CCDC18: variants seen among roughly 807,000 people sequenced by gnomAD.
CCDC18 encodes coiled-coil domain containing 18.
Under a neutral mutation model 196.0 loss-of-function variants are expected in CCDC18, and 157 were observed. The ratio of observed to expected loss-of-function variants is 0.80; its 90% CI spans 0.70 to 0.91. The LOEUF (loss-of-function observed/expected upper bound fraction) is 0.91, where lower values mean the gene tolerates loss of function less well. Ranked by LOEUF, CCDC18 falls within the 40% of genes least tolerant of loss-of-function variation. The pLI is 0.00. For missense variants in CCDC18, 1,465 were observed against 1,611.6 expected, an observed-to-expected ratio of 0.91 and a Z score of 1.56; for synonymous variants, 482 against 529.2, an observed-to-expected ratio of 0.91 and a Z score of 1.22.
In CCDC18 at chr1:93,232,539, A is replaced by G. The variant is rs1291705359; in HGVS notation, c.2406A>G (p.Gln802=). ...TLQQQQQMLQ[Q]ETIRNGELED... is the part of the protein sequence containing the mutation. The stretch of plus-strand genomic sequence containing the variant: ...AGCAACAGCAGCAAATGTTACAACA[A>G]GAGACAATTAGAAATGGAGAGCTAG... The change falls in exon 18 of 29, where the codon CAA becomes CAG. Residue 802 remains glutamine (Q), a synonymous_variant. Transcript: ENST00000690025. 3.1e-6 allele frequency: 5 copies of G among 1,613,112 alleles called. No homozygotes were observed. The East Asian group carries it at 1.1e-4, about 36-fold the overall frequency.
At chr1:93,226,785 C>T (rs1158414100) in intron 17 of CCDC18, among the ~76,000 whole-genome samples, 3 of 152,036 alleles carry the variant, frequency 2.0e-5, no homozygotes, top group African/African-American at 4.8e-5. Flanking sequence ...CCACCCACCT[C>T]GGCCTCCCAA....
rs781027000 is a variant in CCDC18 at position 93,210,796 on chromosome 1, T to C, written c.1210-6T>C. 2 of 1,581,342 alleles carry C rather than the reference T, an allele frequency of 1.3e-6. No homozygotes were observed. The highest frequency in any genetic ancestry group is 1.7e-6 in the Non-Finnish European group (2 of 1,152,322). ...AGTTTACATATGTTTGTTTTTAAAC[T>C]TGCAGTTAAAAAGAGAATTATTTGG... On this transcript the variant is annotated splice_region_variant and splice_polypyrimidine_tract_variant and intron_variant, in intron 9 of 28. Coordinates refer to ENST00000690025, the MANE Select transcript of CCDC18 (RefSeq NM_001378204.1).
rs532829140 is a variant in CCDC18, at chr1:93,229,591, G to T, written c.2293-2835G>T. Among the ~76,000 whole-genome samples the T allele has an allele frequency of 2.6e-5, 4 of 152,274 alleles. No homozygotes were observed. The East Asian group carries it at 5.8e-4, about 22-fold the overall frequency. ...CACTGAATAATTAAGTGGCCCTAGGGCATATAGGTAGAAATTTAGCCAGTT... is the reference window on the plus strand; with the variant it reads ...CACTGAATAATTAAGTGGCCCTAGGTCATATAGGTAGAAATTTAGCCAGTT... On this transcript the variant is annotated intron_variant, in intron 17 of 28. Transcript: ENST00000690025.
chr1:93,234,269 C>G (rs1470853961), intron 18 of CCDC18, among the ~76,000 whole-genome samples: 4 of 151,978 alleles, frequency 2.6e-5, no homozygotes, highest in Non-Finnish European at 5.9e-5. Context: ...TCAAGTGATT[C>G]TCCTGCCTCA....
At chr1:93,180,086 G>T (rs1382939447), upstream of CCDC18, 17 of 1,613,590 alleles carry the variant, frequency 1.1e-5, no homozygotes, top group Non-Finnish European at 1.3e-5. Context: ...GCCTTCAGGG[G>T]CATGGGCTGG....
chr1:93,263,180 G>T (rs756374678), intron 26 of CCDC18, among the ~76,000 whole-genome samples: 4 of 152,124 alleles, frequency 2.6e-5, no homozygotes, highest in Non-Finnish European at 5.9e-5. Flanking sequence ...CTTCCTTGAA[G>T]ATCTCTGAAA....
intron 21 of CCDC18, among the ~76,000 whole-genome samples, 191 bp from the exon 22 acceptor site, chr1:93,245,914 A>T (rs948335905): frequency 6.6e-6 from 1 of 152,118 alleles, no homozygotes; most frequent in Admixed American, 6.5e-5. Context: ...AATACCCTTT[A>T]TTAAATTAAT....
At chr1:93,257,093 A>G (rs1305408996) in intron 25 of CCDC18, among the ~76,000 whole-genome samples, 1 of 151,894 alleles carries the variant, frequency 6.6e-6, no homozygotes, top group Non-Finnish European at 1.5e-5. Context: ...TTAGCCAGGC[A>G]TGATGGTGGG....
chr1:93,238,407 G>A (rs1434853713), intron 19 of CCDC18, among the ~76,000 whole-genome samples: 2 of 152,058 alleles, frequency 1.3e-5, no homozygotes, highest in African/African-American at 4.8e-5. Flanking sequence ...TTTGCATACT[G>A]TTTCAGGGGT....
At chr1:93,212,021 T>G in intron 10 of CCDC18, 80 bp from the exon 11 acceptor site, 1 of 1,236,570 alleles carries the variant, frequency 8.1e-7, no homozygotes. Context: ...TAAATCAACT[T>G]GAAAGGTGAA....
chr1:93,184,830 CT>C (rs1180902336), intron 3 of CCDC18, among the ~76,000 whole-genome samples: 7 of 151,994 alleles, frequency 4.6e-5, no homozygotes, highest in Admixed American at 3.9e-4. Flanking sequence ...TGTAACGAAT[CT>C]GCTTAATGAA....
chr1:93,258,567 C>G (rs1239162606), intron 25 of CCDC18, among the ~76,000 whole-genome samples, 181 bp from the exon 26 acceptor site: 1 of 152,102 alleles, frequency 6.6e-6, no homozygotes, highest in African/African-American at 2.4e-5. Context: ...TATTAATACT[C>G]TCCCATTAAT....
chr1:93,182,522 C>T (rs994978943), intron 1 of CCDC18, among the ~76,000 whole-genome samples: 2 of 152,050 alleles, frequency 1.3e-5, no homozygotes, highest in South Asian at 2.1e-4. Context: ...TTTAAGATTG[C>T]GCAGAAAGCT....
intron 1 of CCDC18, 64 bp from the exon 2 acceptor site, chr1:93,183,292 TGTGA>T (rs1650047012): frequency 8.2e-6 from 9 of 1,102,362 alleles, no homozygotes; most frequent in Non-Finnish European, 1.1e-5. Context: ...ATTCTATTCA[TGTGA>T]GTATTTTGAC....
chr1:93,235,479 T>C (rs1659951565), intron 18 of CCDC18, among the ~76,000 whole-genome samples: 1 of 152,180 alleles, frequency 6.6e-6, no homozygotes, highest in Non-Finnish European at 1.5e-5. Context: ...TAATCCCTGT[T>C]TCTGTGGAAT....
At chr1:93,229,626 AC>A (rs1658936795) in intron 17 of CCDC18, among the ~76,000 whole-genome samples, 1 of 152,226 alleles carries the variant, frequency 6.6e-6, no homozygotes, top group South Asian at 2.1e-4. Flanking sequence ...TGTAAAAACT[AC>A]ATGTTGATTA....
chr1:93,180,836 A>T lies in CCDC18; in HGVS notation c.-19A>T. On this transcript the variant is annotated 5_prime_UTR_variant, in exon 1 of 29. Transcript: ENST00000690025. ...GCTTCCTAACGCAGACTCGAGTGCG[A>T]AGCGCGCAGTCGCCGGGTGGGTCTC... The T allele has an allele frequency of 2.9e-6, 4 of 1,367,652 alleles. No homozygotes were observed. Among genetic ancestry groups the T allele is most frequent in the Non-Finnish European group, 3.9e-6 (4 of 1,021,980 alleles). The allele number at this position is 1,367,652 out of a possible 1,614,324, so 84.7% of individuals were successfully genotyped here. A position where few individuals can be genotyped will look rare whatever the true frequency, so the allele number is the denominator to read the frequency against.
rs1277260070 is a variant in CCDC18, at chr1:93,207,466, T to G, written c.1209+68T>G. ...AAAGTGTTTTAGAAAAGACTATCAT[T>G]TTGTGGTTGCTTTATTAGCTTCTAA... is the stretch of plus-strand genomic sequence containing the variant. On this transcript the variant is annotated intron_variant, in intron 9 of 28. Transcript: ENST00000690025. The G allele has an allele frequency of 5.0e-6, 6 of 1,194,740 alleles. No homozygotes were observed. The African/African-American group carries it at 7.8e-5, about 16-fold the overall frequency. The allele number at this position is 1,194,740 out of a possible 1,614,324, so 74.0% of individuals were successfully genotyped here. A position where few individuals can be genotyped will look rare whatever the true frequency, so the allele number is the denominator to read the frequency against.
intron 1 of CCDC18, among the ~76,000 whole-genome samples, chr1:93,181,702 G>T (rs919320501): frequency 3.3e-5 from 5 of 151,750 alleles, no homozygotes; most frequent in African/African-American, 9.7e-5. Flanking sequence ...TGCAACCTCC[G>T]CCTCCCAGGT....
Sources: gnomAD v4.1 joint callset for allele counts (sites outside exome capture counted in the v4.1 genomes callset) on GRCh38, gnomAD v4.1.1 for gene constraint, MANE v1.5 for transcripts, NCBI Gene and HGNC (gene_info 2026-07-23, HGNC 2026-07-21) for gene names.